OIT3: variants seen among roughly 807,000 people sequenced by gnomAD.
The protein encoded by OIT3 is oncoprotein induced transcript 3.
A neutral mutation model predicts 52.2 loss-of-function variants in OIT3; 41 were observed. The ratio of observed to expected loss-of-function variants is 0.79; its 90% CI spans 0.61 to 1.02. OIT3 has a LOEUF of 1.02. Among genes scored for constraint, OIT3 ranks in the 50% least tolerant of loss-of-function variants. The pLI is 0.00. For missense variants in OIT3, 634 were observed against 715.5 expected, an observed-to-expected ratio of 0.89 and a Z score of 1.30; for synonymous variants, 244 against 276.9, an observed-to-expected ratio of 0.88 and a Z score of 1.18.
intron 6 of OIT3, among the ~76,000 whole-genome samples, chr10:72,918,977 A>G (rs1846098788): frequency 6.6e-6 from 1 of 152,172 alleles, no homozygotes; most frequent in South Asian, 2.1e-4. Flanking sequence ...TTCGATATGA[A>G]TTTTAAAATA....
chr10:72,894,253 C>T (rs1845854500), intron 1 of OIT3, among the ~76,000 whole-genome samples: 1 of 151,956 alleles, frequency 6.6e-6, no homozygotes, highest in Non-Finnish European at 1.5e-5. Flanking sequence ...AGCTCTGTTG[C>T]CATGGGGGGC....
chr10:72,910,412 T>C (rs1343022029), intron 4 of OIT3, among the ~76,000 whole-genome samples: 4 of 152,052 alleles, frequency 2.6e-5, no homozygotes, highest in Non-Finnish European at 4.4e-5. Flanking sequence ...TCCCAACACT[T>C]TGGGAGGCCG....
rs142263386 is a variant in OIT3, at chr10:72,900,441, C to T, written c.501C>T (p.Cys167=). Residue 167 remains cysteine, a synonymous_variant, in exon 3 of 9, where the codon TGC becomes TGT. Coordinates refer to ENST00000334011, the MANE Select transcript of OIT3 (RefSeq NM_152635.3). The part of the protein sequence containing the change: ...GSCSDTSECT[C]APGTVLGPDR... ...GCTCAGATACCAGCGAGTGCACATG[C>T]GCTCCAGGAACTGTGCTAGGCCCTG... is the stretch of plus-strand genomic sequence containing the variant. The T allele has an allele frequency of 8.8e-4, 1,422 of 1,611,908 alleles. 2 individuals are homozygous for T. The highest frequency in any genetic ancestry group is 1.7e-3 in the Middle Eastern group (10 of 6,060).
intron 6 of OIT3, among the ~76,000 whole-genome samples, chr10:72,923,325 C>A (rs899466718): frequency 1.3e-5 from 2 of 152,258 alleles, no homozygotes; most frequent in African/African-American, 4.8e-5. Context: ...AGCAGCCTGG[C>A]CCTTCCTCTG....
chr10:72,899,485 C>T (rs544430106), intron 2 of OIT3, among the ~76,000 whole-genome samples: 1 of 151,816 alleles, frequency 6.6e-6, no homozygotes, highest in East Asian at 1.9e-4. Flanking sequence ...ACCCCAGCTA[C>T]CCGGGAGGCT....
chr10:72,924,449 T>C lies in OIT3; in HGVS notation c.1172T>C (p.Leu391Pro), dbSNP rs201059966. The change falls in exon 7 of 9, where the codon CTG becomes CCG. Residue 391 changes from leucine (L) to proline (P), a missense_variant. Coordinates refer to ENST00000334011, the MANE Select transcript of OIT3 (RefSeq NM_152635.3). ...SRNHGIFPFT[L>P]EIFKDNEFEE... ...AATCATGGGATCTTCCCATTCACTCTGGAGATCTTCAAGGACAATGAGTTT... is the reference window on the plus strand; with the variant it reads ...AATCATGGGATCTTCCCATTCACTCCGGAGATCTTCAAGGACAATGAGTTT... The C allele has an allele frequency of 1.5e-5, 24 of 1,614,130 alleles. No homozygotes were observed. The highest frequency in any genetic ancestry group is 1.6e-4 in the Middle Eastern group (1 of 6,062).
chr10:72,895,493 G>A (rs982217062), intron 1 of OIT3, among the ~76,000 whole-genome samples: 1 of 152,210 alleles, frequency 6.6e-6, no homozygotes, highest in Non-Finnish European at 1.5e-5. Flanking sequence ...AGAGGACAGG[G>A]GAAGTGAGAG....
At chr10:72,929,613 C>G (rs1846198352) in intron 7 of OIT3, among the ~76,000 whole-genome samples, 1 of 151,626 alleles carries the variant, frequency 6.6e-6, no homozygotes, top group Admixed American at 6.6e-5. Flanking sequence ...TGCTATGTTG[C>G]CCAGGCTAAT....
chr10:72,930,684 T>C (rs1282787162), intron 8 of OIT3, 47 bp downstream of exon 8: 5 of 1,107,810 alleles, frequency 4.5e-6, no homozygotes, highest in Admixed American at 4.6e-5. Context: ...TGAGCCTTTT[T>C]TTTTTTTTTT....
At chr10:72,924,175 A>C in intron 6 of OIT3, 54 bp from the exon 7 acceptor site, 15 of 1,468,832 alleles carry the variant, frequency 1.0e-5, no homozygotes, top group Non-Finnish European at 1.4e-5. Context: ...GGGAAAAAAA[A>C]CTGTAGAAAC....
chr10:72,914,403 G>A (rs570054630), intron 6 of OIT3, among the ~76,000 whole-genome samples: 4 of 152,266 alleles, frequency 2.6e-5, no homozygotes, highest in Non-Finnish European at 5.9e-5. Context: ...CAGCACGGAG[G>A]CCTTTGCGAT....
intron 4 of OIT3, among the ~76,000 whole-genome samples, chr10:72,908,255 C>T (rs1049677417): frequency 2.0e-4 from 30 of 151,778 alleles, no homozygotes; most frequent in Non-Finnish European, 3.5e-4. Flanking sequence ...AAAAAAATCC[C>T]ATCACTTCTA....
intron 6 of OIT3, among the ~76,000 whole-genome samples, chr10:72,920,222 G>T (rs1564595080): frequency 6.6e-6 from 1 of 152,168 alleles, no homozygotes; most frequent in African/African-American, 2.4e-5. Context: ...ATGCATAGAG[G>T]TGTTTATAAT....
At chr10:72,902,328 CT>C (rs1450015450) in intron 3 of OIT3, among the ~76,000 whole-genome samples, 3 of 152,014 alleles carry the variant, frequency 2.0e-5, no homozygotes, top group Non-Finnish European at 4.4e-5. Context: ...TTTAATATAA[CT>C]TTTGAAGAGG....
intron 6 of OIT3, chr10:72,917,947 C>G (rs900640917): frequency 2.2e-6 from 2 of 929,730 alleles, no homozygotes; most frequent in Non-Finnish European, 3.5e-6. Context: ...GATTTCTTCA[C>G]TGGTGCTTTT....
In OIT3 at chr10:72,932,534, A is replaced by G. The variant is rs777917799; in HGVS notation, c.*10A>G. ...CGACTGGGAGGACTAGTTCGTAGCC[A>G]TACCTCGAGTCCCTGCATTGGACGG... On this transcript the variant is annotated 3_prime_UTR_variant, in exon 9 of 9. Coordinates refer to ENST00000334011, the MANE Select transcript of OIT3 (RefSeq NM_152635.3). The G allele has an allele frequency of 6.9e-6, 11 of 1,585,750 alleles. No individual in the cohort carries two copies. The African/African-American group carries it at 1.5e-4, about 21-fold the overall frequency.
At position 72,898,922 on chromosome 10, in the gene OIT3, G is replaced by A; in HGVS notation, c.320G>A (p.Ser107Asn). 1 of 1,614,250 alleles carries A rather than the reference G, an allele frequency of 6.2e-7. No individual in the cohort carries two copies. Among genetic ancestry groups the A allele is most frequent in the Non-Finnish European group, 8.5e-7 (1 of 1,180,052 alleles). ...DGIVQRQACASFNGNCCLWNT... is the reference protein window; with the variant it reads ...DGIVQRQACANFNGNCCLWNT... ...ATTGTGCAACGCCAGGCTTGTGCCA[G>A]CTTCAATGGGAACTGCTGTCTCTGG... The change falls in exon 2 of 9, where the codon AGC (serine) becomes AAC (asparagine). Residue 107 changes from serine (S) to asparagine (N), a missense_variant. By Grantham distance (46) the Ser-to-Asn change is conservative (BLOSUM62 1). Transcript: ENST00000334011.
At chr10:72,899,710 T>C (rs774074546) in intron 2 of OIT3, among the ~76,000 whole-genome samples, 2 of 71,058 alleles carry the variant, frequency 2.8e-5, no homozygotes, top group Non-Finnish European at 6.1e-5. Flanking sequence ...AGATGATAGA[T>C]AGATAGATAG....
chr10:72,917,441 A>C (rs1351212070), intron 6 of OIT3, among the ~76,000 whole-genome samples: 1 of 152,174 alleles, frequency 6.6e-6, no homozygotes, highest in Non-Finnish European at 1.5e-5. Context: ...AACCAAAGCA[A>C]AGGGTGGAGT....
Sources: allele counts gnomAD v4.1 joint callset (sites outside exome capture counted in the v4.1 genomes callset), GRCh38; gene constraint gnomAD v4.1.1; transcripts MANE v1.5; gene names NCBI Gene and HGNC (gene_info 2026-07-23, HGNC 2026-07-21).